ZNF43: variants seen among roughly 807,000 people sequenced by gnomAD.
ZNF43 encodes zinc finger protein 39-like 1 (KOX 27).
Under a neutral mutation model 68.4 loss-of-function variants are expected in ZNF43, and 44 were observed. The ratio of observed to expected loss-of-function variants is 0.64; its 90% CI spans 0.51 to 0.83. The LOEUF (loss-of-function observed/expected upper bound fraction) is 0.83. ZNF43 is among the 40% of genes least tolerant of loss of function. The pLI is 0.00. For missense variants in ZNF43, 896 were observed against 933.2 expected (o/e 0.96, Z 0.52); for synonymous variants, 308 against 307.8 (o/e 1.00, Z -0.01).
exon 1 of ZNF43, chr19:21,851,974 A>G: frequency 6.5e-7 from 1 of 1,537,272 alleles, no homozygotes; most frequent in Non-Finnish European, 8.7e-7. Context: ...ATCACAGGGT[A>G]ACGGAGGCTG....
intron 1 of ZNF43, among the ~76,000 whole-genome samples, chr19:21,835,488 G>A (rs1265034789): frequency 6.7e-6 from 1 of 149,514 alleles, no homozygotes; most frequent in Non-Finnish European, 1.5e-5. Context: ...CTCCCTAGTA[G>A]CTGCGATTAC....
chr19:21,825,776 G>A (rs1266923873), intron 1 of ZNF43, among the ~76,000 whole-genome samples: 1 of 152,220 alleles, frequency 6.6e-6, no homozygotes, highest in African/African-American at 2.4e-5. Flanking sequence ...AAAATAGCCT[G>A]GGTCAGTGGC....
chr19:21,812,522 T>A (rs2037327694), intron 3 of ZNF43, among the ~76,000 whole-genome samples: 2 of 152,074 alleles, frequency 1.3e-5, no homozygotes, highest in Admixed American at 6.6e-5. Context: ...GAAGAAGCAT[T>A]TAAAAAGACA....
intron 3 of ZNF43, among the ~76,000 whole-genome samples, chr19:21,813,459 A>G (rs534696180): frequency 4.9e-4 from 75 of 152,274 alleles, no homozygotes; most frequent in South Asian, 6.2e-4. Flanking sequence ...AAATTAATAT[A>G]GATCTACAAT....
At chr19:21,837,557 TGGG>T (rs997836168), upstream of ZNF43, among the ~76,000 whole-genome samples, 3 of 151,714 alleles carry the variant, frequency 2.0e-5, no homozygotes, top group African/African-American at 7.3e-5. Context: ...ACCAAGTAGC[TGGG>T]GATACAGGTG....
intron 1 of ZNF43, chr19:21,845,401 G>A (rs1967881668): frequency 6.6e-6 from 1 of 152,124 alleles, no homozygotes; most frequent in Admixed American, 6.5e-5. Context: ...CCCAAAATAT[G>A]CAAGGTCCAG....
intron 2 of ZNF43, 60 bp downstream of exon 2, chr19:21,819,035 A>G: frequency 6.4e-7 from 1 of 1,563,714 alleles, no homozygotes; most frequent in South Asian, 1.2e-5. Flanking sequence ...AACAGTCTAC[A>G]GAAAACAAAA....
intron 1 of ZNF43, among the ~76,000 whole-genome samples, chr19:21,847,020 A>C (rs879144047): frequency 6.6e-6 from 1 of 152,202 alleles, no homozygotes; most frequent in Admixed American, 6.5e-5. Context: ...AATATGCTAC[A>C]ATGTTCCTGT....
At chr19:21,839,833 T>G (rs912614048), upstream of ZNF43, 9 of 152,150 alleles carry the variant, frequency 5.9e-5, no homozygotes, top group Admixed American at 5.9e-4. Context: ...AAACAATATG[T>G]CACAATGCCT....
chr19:21,822,668 G>C (rs897623891), intron 1 of ZNF43, among the ~76,000 whole-genome samples: 1 of 152,080 alleles, frequency 6.6e-6, no homozygotes, highest in African/African-American at 2.4e-5. Flanking sequence ...AGCCGGGCAC[G>C]GTGGCGGGCA....
rs200681700 is a variant in ZNF43 at position 21,814,411 on chromosome 19, C to CT, written c.229+3476dup. ...GTGATAGACATTTGGTGATTGATCT[C>CT]TTTTTTTTTTTTTTTCTGAGATGGA... On this transcript the variant is annotated intron_variant, in intron 3 of 3. Coordinates refer to ENST00000354959, the MANE Select transcript of ZNF43 (RefSeq NM_003423.4). Among the ~76,000 whole-genome samples, 685 of 142,578 alleles carry CT rather than the reference C, an allele frequency of 4.8e-3. 2 individuals are homozygous for CT. Among genetic ancestry groups the CT allele is most frequent in the African/African-American group, 0.01 (403 of 39,126 alleles). The allele number at this position is 142,578 out of a possible 152,430, so 93.5% of individuals were successfully genotyped here. A position where few individuals can be genotyped will look rare whatever the true frequency, so the allele number is the denominator to read the frequency against.
chr19:21,846,246 A>AGC (rs1967946235), intron 1 of ZNF43, among the ~76,000 whole-genome samples: 1 of 152,194 alleles, frequency 6.6e-6, no homozygotes, highest in South Asian at 2.1e-4. Context: ...TGCTGGGCCA[A>AGC]GCGATATCTC....
intron 1 of ZNF43, among the ~76,000 whole-genome samples, chr19:21,844,935 T>A (rs1967841386): frequency 2.3e-5 from 3 of 128,664 alleles, no homozygotes; most frequent in South Asian, 2.4e-4. Flanking sequence ...TATATATATA[T>A]ATATATATAT....
At chr19:21,851,792 T>TG in intron 1 of ZNF43, 2 of 1,206,284 alleles carry the variant, frequency 1.7e-6, no homozygotes, top group Non-Finnish European at 2.2e-6. Context: ...CAGAGGGGCC[T>TG]GGGGCGGAGC....
chr19:21,821,222 T>C (rs953655700), intron 1 of ZNF43, among the ~76,000 whole-genome samples: 2 of 150,148 alleles, frequency 1.3e-5, no homozygotes, highest in South Asian at 4.2e-4. Flanking sequence ...CTCCGCTCAC[T>C]GCAAGCTCCT....
intron 3 of ZNF43, among the ~76,000 whole-genome samples, chr19:21,817,506 C>T (rs2037587768): frequency 6.6e-6 from 1 of 152,154 alleles, no homozygotes; most frequent in Non-Finnish European, 1.5e-5. Context: ...GCACTACTCA[C>T]ACATTTCAGA....
In ZNF43 at chr19:21,805,644, A is replaced by C. The variant is rs921095803; in HGVS notation, c.*1963T>G. 3 of 152,090 alleles carry C rather than the reference A, an allele frequency of 2.0e-5. No homozygotes were observed. The highest frequency in any genetic ancestry group is 2.9e-5 in the Non-Finnish European group (2 of 68,010). 9.4% of individuals were successfully genotyped at this position (152,090 alleles called of 1,614,324 possible). A position where few individuals can be genotyped will look rare whatever the true frequency, so the allele number is the denominator to read the frequency against. ...AAAAAAAAACCAAACAAACAAAAAAAATTATGAATAGCACAAAGAATAAAA... is the reference window on the plus strand; with the variant it reads ...AAAAAAAAACCAAACAAACAAAAAACATTATGAATAGCACAAAGAATAAAA... On this transcript the variant is annotated 3_prime_UTR_variant, in exon 4 of 4. Transcript: ENST00000354959.
Position 21,809,120 on chromosome 19 carries a change from T to C in ZNF43, c.917A>G (p.Lys306Arg), listed in dbSNP as rs778599785. The change falls in exon 4 of 4, where the codon AAA (lysine) becomes AGA (arginine). Residue 306 changes from lysine (K) to arginine (R), a missense_variant. Lys to Arg is a conservative substitution (Grantham distance 26). Transcript: ENST00000354959. ...NQSSNLTEHK[K>R]IHPGEKPYKC... ...GTAAGGTTTCTCTCCAGGATGAATT[T>C]TCTTATGTTCAGTAAGGTTTGAGGA... 1 of 1,613,452 alleles carries C rather than the reference T, an allele frequency of 6.2e-7. No individual in the cohort carries two copies. The highest frequency in any genetic ancestry group is 1.7e-5 in the Admixed American group (1 of 59,994).
chr19:21,824,910 G>C (rs1169353835), intron 1 of ZNF43, among the ~76,000 whole-genome samples: 1 of 152,102 alleles, frequency 6.6e-6, no homozygotes, highest in African/African-American at 2.4e-5. Context: ...GCAAAAAAGA[G>C]GGGCAGAGAG....
Sources: allele counts gnomAD v4.1 joint callset (sites outside exome capture counted in the v4.1 genomes callset), GRCh38; gene constraint gnomAD v4.1.1; transcripts MANE v1.5; gene names NCBI Gene and HGNC (gene_info 2026-07-23, HGNC 2026-07-21).